TRPM5: variants seen among roughly 807,000 people sequenced by gnomAD.
The protein encoded by TRPM5 is MLSN1 and TRP-related.
A neutral mutation model predicts 124.9 loss-of-function variants in TRPM5; 121 were observed. That is an observed-to-expected ratio of 0.97 (90% confidence interval 0.84 to 1.13). The LOEUF is 1.13. TRPM5 is among the 50% of genes most tolerant of loss of function. The pLI, the probability that TRPM5 is intolerant of heterozygous loss-of-function variation, is 0.00. For synonymous variants in TRPM5, 781 were observed against 700.5 expected (o/e 1.11, Z -1.81); for missense variants, 1,643 against 1,589.1 (o/e 1.03, Z -0.58).
chr11:2,425,625 C>T (rs1236811284), upstream of TRPM5, among the ~76,000 whole-genome samples: 2 of 151,752 alleles, frequency 1.3e-5, no homozygotes, highest in Admixed American at 6.5e-5. Context: ...TAGCCCTGGG[C>T]GGGAGTCCTC....
Position 2,414,347 on chromosome 11 carries a change from G to T in TRPM5, c.1745-141C>A, listed in dbSNP as rs895282696. On this transcript the variant is annotated intron_variant, in intron 11 of 23. Coordinates refer to ENST00000155858, the Ensembl canonical transcript of TRPM5. The stretch of plus-strand genomic sequence containing the variant: ...CACGCAGGGCCCAGCCAGGCCTTCT[G>T]CCCCCTCCGGCCTGCTCCGGGCCCT... The T allele has an allele frequency of 9.1e-5, 111 of 1,223,096 alleles. 2 individuals carry two copies. Among genetic ancestry groups the T allele is most frequent in the Middle Eastern group, 8.5e-4 (3 of 3,528 alleles). 75.8% of individuals were successfully genotyped at this position (1,223,096 alleles called of 1,614,324 possible).
the TRPM5 span, among the ~76,000 whole-genome samples, chr11:2,443,830 C>A: frequency 2.0e-5 from 3 of 149,224 alleles, no homozygotes; most frequent in South Asian, 2.2e-4. The surrounding 1 kb of genome is among the most constrained non-coding windows in gnomAD (Gnocchi z 5.0). Flanking sequence ...CCCACCCCCC[C>A]CCCAAGCCTG....
intron 21 of TRPM5, 108 bp downstream of exon 26, chr11:2,406,553 C>CCTTCAG (rs1850326692): frequency 1.4e-6 from 2 of 1,425,004 alleles, no homozygotes; most frequent in African/African-American, 2.8e-5. Context: ...TGCCCCTACC[C>CCTTCAG]CTTCAGCTTC....
intron 23 of TRPM5, among the ~76,000 whole-genome samples, chr11:2,405,280 A>G (rs575401877): frequency 6.6e-6 from 1 of 152,240 alleles, no homozygotes; most frequent in African/African-American, 2.4e-5. Flanking sequence ...TGAGCAGGAC[A>G]GTCCAATAGG....
chr11:2,439,236 A>G, the TRPM5 span, among the ~76,000 whole-genome samples: 1 of 152,244 alleles, frequency 6.6e-6, no homozygotes, highest in Non-Finnish European at 1.5e-5. Context: ...AAGAGAAAAC[A>G]TCGGAAATAC....
chr11:2,407,701 A>G, intron 19 of TRPM5, 58 bp downstream of exon 24: 1 of 1,589,012 alleles, frequency 6.3e-7, no homozygotes, highest in South Asian at 1.1e-5. Flanking sequence ...GTGTTGGGGA[A>G]TGACCCTCTG....
chr11:2,411,665 C>T, exon 17 of TRPM5: 3 of 1,612,540 alleles, frequency 1.9e-6, no homozygotes, highest in Non-Finnish European at 2.5e-6. Flanking sequence ...TCTTGGGGCC[C>T]AGCTGCTTGT....
chr11:2,426,034 G>A (rs534289076), upstream of TRPM5, among the ~76,000 whole-genome samples: 13 of 152,292 alleles, frequency 8.5e-5, no homozygotes, highest in African/African-American at 1.2e-4. Flanking sequence ...TAGGACATCC[G>A]GGAGTACCCT....
chr11:2,417,872 G>A (rs774610332), intron 6 of TRPM5, 43 bp from the exon 12 acceptor site: 6 of 1,519,114 alleles, frequency 3.9e-6, no homozygotes, highest in Non-Finnish European at 5.4e-6. Context: ...CCTCAGCCAG[G>A]ACGGGGGCAG....
chr11:2,405,093 C>A, intron 23 of TRPM5, 50 bp from the exon 29 acceptor site: 1 of 1,521,828 alleles, frequency 6.6e-7, no homozygotes, highest in Non-Finnish European at 9.0e-7. Flanking sequence ...CAAGGCAGGC[C>A]CAGGAAGGGG....
rs777593744 is a variant in TRPM5, at chr11:2,414,891, C to T, written c.1620+16G>A. 4.0e-5 allele frequency: 64 copies of T among 1,598,256 alleles called. No homozygotes were observed. Among genetic ancestry groups the T allele is most frequent in the Non-Finnish European group, 4.8e-5 (56 of 1,173,872 alleles). On this transcript the variant is annotated intron_variant, in intron 10 of 23. Coordinates refer to ENST00000155858, the Ensembl canonical transcript of TRPM5. ...CCCTCCCCTGCCCCCGCGCTGGGCC[C>T]GCGGCCTGGGCTCACCATGGCCCAG...
chr11:2,419,448 GAAAA>G (rs57385993), intron 4 of TRPM5, among the ~76,000 whole-genome samples: 72 of 137,396 alleles, frequency 5.2e-4, no homozygotes, highest in East Asian at 4.2e-3. Context: ...TCTCTACTGG[GAAAA>G]AAAAAAAAAA....
At chr11:2,421,240 G>A in intron 2 of TRPM5, 42 bp from the exon 8 acceptor site, 1 of 1,516,616 alleles carries the variant, frequency 6.6e-7, no homozygotes, top group Admixed American at 2.2e-5. Context: ...GCACGCCCCA[G>A]GTCTTCCCTA....
intron 7 of TRPM5, 78 bp from the exon 13 acceptor site, chr11:2,416,102 T>C (rs1845669856): frequency 1.8e-6 from 2 of 1,093,714 alleles, no homozygotes; most frequent in Admixed American, 2.1e-5. Context: ...TCCCCAAAGG[T>C]GCGCTGCCTA....
At chr11:2,420,300 G>T in exon 4 of TRPM5, 2 of 1,612,644 alleles carry the variant, frequency 1.2e-6, no homozygotes, top group Non-Finnish European at 1.7e-6. Flanking sequence ...CCCTTCCCCG[G>T]GGGGCCTGGC....
exon 3 of TRPM5, chr11:2,421,129 T>C: frequency 6.5e-7 from 1 of 1,542,972 alleles, no homozygotes; most frequent in Non-Finnish European, 8.7e-7. Flanking sequence ...GGCCAGCGAG[T>C]GGTCGCGCAC....
Position 2,412,418 on chromosome 11 carries a change from G to T in TRPM5, c.2356-165C>A, listed in dbSNP as rs115621790. 2.3e-3 allele frequency among the ~76,000 whole-genome samples: 357 copies of T among 152,214 alleles called. 2 individuals are homozygous for T. Among genetic ancestry groups the T allele is most frequent in the African/African-American group, 8.2e-3 (341 of 41,502 alleles). On this transcript the variant is annotated intron_variant, in intron 15 of 23. Transcript: ENST00000155858. ...CACTGAAGCTATTCCAGGGCTGTCT[G>T]GGGACAGAAGGTGAGGTCAGTCTCC...
At chr11:2,413,493 G>A in exon 13 of TRPM5, 1 of 1,611,256 alleles carries the variant, frequency 6.2e-7, no homozygotes, top group Non-Finnish European at 8.5e-7. Flanking sequence ...TGATGAGGTT[G>A]GTATAGACGA....
intron 19 of TRPM5, 85 bp downstream of exon 24, chr11:2,407,674 G>A (rs1850350985): frequency 6.6e-7 from 1 of 1,523,110 alleles, no homozygotes; most frequent in Non-Finnish European, 9.0e-7. Context: ...CACACCAGGT[G>A]GGTTGCAAAG....
Sources: allele counts gnomAD v4.1 joint callset (sites outside exome capture counted in the v4.1 genomes callset), GRCh38; gene constraint gnomAD v4.1.1; non-coding constraint Gnocchi (gnomAD v3.1); transcripts MANE v1.5; gene names NCBI Gene and HGNC (gene_info 2026-07-23, HGNC 2026-07-21).